The following MMP26 variants were observed in gnomAD, a reference collection of about 807,000 sequenced individuals.
MMP26 encodes matrix metalloproteinase-26.
Under a neutral mutation model 31.0 loss-of-function variants are expected in MMP26, and 33 were observed. That is an observed-to-expected ratio of 1.06 (90% CI 0.81 to 1.42). The LOEUF is 1.42. MMP26 is among the 40% of genes most tolerant of loss of function. The pLI, the probability that MMP26 is intolerant of heterozygous loss-of-function variation, is 0.00. For missense variants in MMP26, 347 were observed against 316.1 expected, an observed-to-expected ratio of 1.10 and a Z score of -0.74; for synonymous variants, 122 against 114.9, an observed-to-expected ratio of 1.06 and a Z score of -0.40.
chr11:4,958,097 G>T (rs1846468520), intron 2 of MMP26, among the ~76,000 whole-genome samples: 2 of 152,096 alleles, frequency 1.3e-5, no homozygotes, highest in Admixed American at 6.6e-5. Flanking sequence ...ATCTGGTTGG[G>T]CCCATGATGG....
chr11:4,904,052 A>G (rs1230109203), intron 2 of MMP26, among the ~76,000 whole-genome samples: 1 of 152,150 alleles, frequency 6.6e-6, no homozygotes, highest in East Asian at 1.9e-4. Context: ...CTTATTGTCA[A>G]TTAAAAAATA....
chr11:4,785,236 G>A (rs1413272871), intron 2 of MMP26, among the ~76,000 whole-genome samples: 1 of 152,098 alleles, frequency 6.6e-6, no homozygotes, highest in East Asian at 1.9e-4. Context: ...GTTGATCACT[G>A]TACTAGCCAT....
chr11:4,774,403 T>A (rs954684810), intron 2 of MMP26, among the ~76,000 whole-genome samples: 8 of 152,222 alleles, frequency 5.3e-5, no homozygotes, highest in African/African-American at 1.9e-4. Context: ...TTTCATATGT[T>A]TGTTGGCTGC....
chr11:4,894,397 T>C (rs1384950671), intron 2 of MMP26, among the ~76,000 whole-genome samples: 2 of 152,186 alleles, frequency 1.3e-5, no homozygotes, highest in Non-Finnish European at 2.9e-5. Context: ...CTCATGTTAA[T>C]TAATATAATT....
chr11:4,848,054 C>T (rs1196485130), intron 2 of MMP26: 3 of 616,792 alleles, frequency 4.9e-6, no homozygotes, highest in Non-Finnish European at 8.3e-6. Flanking sequence ...GGATCATGTT[C>T]ATTCTTTGGG....
chr11:4,856,935 A>G (rs1043294823), intron 2 of MMP26, among the ~76,000 whole-genome samples: 7 of 152,194 alleles, frequency 4.6e-5, no homozygotes, highest in Admixed American at 4.6e-4. Flanking sequence ...AAACCGCACA[A>G]CTACATGGAA....
intron 2 of MMP26, among the ~76,000 whole-genome samples, chr11:4,928,097 A>G (rs151288173): frequency 1.3e-3 from 192 of 148,032 alleles, no homozygotes; most frequent in Non-Finnish European, 2.3e-3. Flanking sequence ...AACACTTTCT[A>G]GCCATGTGAC....
At chr11:4,773,832 T>G (rs1342557151) in intron 2 of MMP26, among the ~76,000 whole-genome samples, 1 of 152,014 alleles carries the variant, frequency 6.6e-6, no homozygotes, top group Non-Finnish European at 1.5e-5. Flanking sequence ...TTGTTCTCCT[T>G]TCTGTGTCCA....
At chr11:4,833,106 A>G (rs902183867) in intron 2 of MMP26, 5 of 152,212 alleles carry the variant, frequency 3.3e-5, no homozygotes, top group Non-Finnish European at 7.3e-5. Flanking sequence ...TTTTTTCACA[A>G]TACATTTTCT....
intron 1 of MMP26, chr11:4,709,486 T>G (rs1847828340): frequency 2.7e-6 from 1 of 365,980 alleles, no homozygotes; most frequent in Non-Finnish European, 5.4e-6. Flanking sequence ...GTATGGTGTA[T>G]AGAAGAAAGT....
At chr11:4,981,313 C>T (rs551232938) in intron 2 of MMP26, among the ~76,000 whole-genome samples, 1 of 152,158 alleles carries the variant, frequency 6.6e-6, no homozygotes, top group South Asian at 2.1e-4. Context: ...GTCATGAGAA[C>T]ATCGTAGAGT....
chr11:4,832,456 A>T (rs1467300796), intron 2 of MMP26: 1 of 152,954 alleles, frequency 6.5e-6, no homozygotes, highest in Non-Finnish European at 1.5e-5. Context: ...TCATCCATGG[A>T]TTCACAGACA....
chr11:4,764,173 A>C (rs1848600643), intron 1 of MMP26, among the ~76,000 whole-genome samples: 1 of 152,186 alleles, frequency 6.6e-6, no homozygotes, highest in Non-Finnish European at 1.5e-5. Flanking sequence ...TTTGTTATTC[A>C]TCTAATCATG....
chr11:4,927,041 C>A (rs561215761), intron 2 of MMP26, among the ~76,000 whole-genome samples: 1 of 152,300 alleles, frequency 6.6e-6, no homozygotes, highest in Admixed American at 6.5e-5. Flanking sequence ...CACTAGACTG[C>A]ATGAGACACC....
At chr11:4,741,452 T>C (rs1424592023) in intron 1 of MMP26, among the ~76,000 whole-genome samples, 2 of 152,202 alleles carry the variant, frequency 1.3e-5, no homozygotes, top group African/African-American at 2.4e-5. Flanking sequence ...ACATATACCA[T>C]GCATACTATG....
chr11:4,769,953 C>T (rs1240896194), intron 2 of MMP26: 5 of 1,049,304 alleles, frequency 4.8e-6, no homozygotes, highest in Non-Finnish European at 7.4e-6. Flanking sequence ...CCTCACAATG[C>T]TTCCATCCTA....
At chr11:4,858,119 A>C (rs1275679371) in intron 2 of MMP26, among the ~76,000 whole-genome samples, 1 of 152,202 alleles carries the variant, frequency 6.6e-6, no homozygotes, top group African/African-American at 2.4e-5. Context: ...AGTCAATATC[A>C]TACTGAATGG....
At chr11:4,725,742 A>C (rs1000399336) in intron 1 of MMP26, among the ~76,000 whole-genome samples, 1 of 152,224 alleles carries the variant, frequency 6.6e-6, no homozygotes, top group Non-Finnish European at 1.5e-5. Context: ...CAGTGAGTGC[A>C]CTGATGACTG....
intron 2 of MMP26, among the ~76,000 whole-genome samples, chr11:4,934,851 G>T (rs1207012419): frequency 6.6e-6 from 1 of 151,036 alleles, no homozygotes; most frequent in Admixed American, 6.6e-5. Context: ...CCCATTGCTT[G>T]TTTTTCTCAG....
Sources: allele counts gnomAD v4.1 joint callset (sites outside exome capture counted in the v4.1 genomes callset), GRCh38; gene constraint gnomAD v4.1.1; transcripts MANE v1.5; gene names NCBI Gene and HGNC (gene_info 2026-07-23, HGNC 2026-07-21).